ETV1: variants seen among roughly 807,000 people sequenced by gnomAD.
ETV1 encodes ETS translocation variant 1.
A neutral mutation model predicts 62.3 loss-of-function variants in ETV1; 27 were observed. The observed-to-expected ratio is 0.43, with a 90% confidence interval of 0.32 to 0.60. The LOEUF is 0.60. Ranked by LOEUF, ETV1 falls within the 20% of genes least tolerant of loss-of-function variation. ETV1 has a pLI of 0.06. For synonymous variants in ETV1, 222 were observed against 199.6 expected (o/e 1.11, Z -0.94); for missense variants, 605 against 605.8 (o/e 1.00, Z 0.01).
At chr7:13,932,044 C>CCA (rs60981382) in intron 8 of ETV1, among the ~76,000 whole-genome samples, 43,924 of 147,852 alleles carry the variant, frequency 0.3, 7,287 homozygotes, top group East Asian at 0.43. Flanking sequence ...TTTTACACAC[C>CCA]CACACACACA....
rs1389818526 is a variant in ETV1 at position 13,891,427 on chromosome 7, A to G, written c.*4439T>C. ...ACTAATACTGGAGTCTATATGCAAA[A>G]AAGACCCTACCTTACATATGAATCC... On this transcript the variant is annotated 3_prime_UTR_variant, in exon 14 of 14. Transcript: ENST00000430479. 2 of 231,740 alleles carry G rather than the reference A, an allele frequency of 8.6e-6. No individual in the cohort carries two copies. Among genetic ancestry groups the G allele is most frequent in the African/African-American group, 2.2e-5 (1 of 45,300 alleles). 14.4% of individuals were successfully genotyped at this position (231,740 alleles called of 1,614,324 possible).
chr7:13,892,355 A>G lies in ETV1; in HGVS notation c.*3511T>C. ...TGATTACCAGACATTTTAGTGGAAT[A>G]GTTGAAATTTAATATAGAAAGTTTT... On this transcript the variant is annotated 3_prime_UTR_variant, in exon 14 of 14. Coordinates refer to ENST00000430479, the MANE Select transcript of ETV1 (RefSeq NM_004956.5). The G allele has an allele frequency of 4.3e-6, 1 of 232,782 alleles. No homozygotes were observed. The highest frequency in any genetic ancestry group is 8.5e-6 in the Non-Finnish European group (1 of 117,776). 14.4% of individuals were successfully genotyped at this position (232,782 alleles called of 1,614,324 possible).
Position 13,931,526 on chromosome 7 carries a change from G to A in ETV1, c.778C>T (p.Pro260Ser), listed in dbSNP as rs762903267. ...CCTGAGTCATATGCAAAATCTCTGG[G>A]TTCCTGTTTAATCATCAGAGGAGGG... ...FPPPLMIKQE[P>S]RDFAYDSEVP... Residue 260 changes from proline to serine, a missense_variant, in exon 9 of 14, where the codon CCC becomes TCC. Coordinates refer to ENST00000430479, the MANE Select transcript of ETV1 (RefSeq NM_004956.5). The A allele has an allele frequency of 6.2e-7, 1 of 1,614,024 alleles. No homozygotes were observed. The highest frequency in any genetic ancestry group is 1.1e-5 in the South Asian group (1 of 91,076).
In ETV1 at chr7:13,935,813, T is replaced by A; in HGVS notation, c.449A>T (p.His150Leu). 6.2e-7 allele frequency: 1 copy of A among 1,613,834 alleles called. No homozygotes were observed. Among genetic ancestry groups the A allele is most frequent in the Non-Finnish European group, 8.5e-7 (1 of 1,179,832 alleles). ...TGTATGAGTTGAGTTTGGAGATGCA[T>A]GATGCAGTGGGGACACTGGCGTGCT... ...PSSTPVSPLH[H>L]ASPNSTHTPK... Residue 150 changes from histidine (H) to leucine (L), a missense_variant, in exon 8 of 14, where the codon CAT becomes CTT. Physicochemically the swap from His to Leu is moderately conservative, Grantham distance 99 (BLOSUM62 -3). This residue lies in a region of ETV1 where 426 missense variants were observed against 377.8 expected (regional missense o/e 1.13). Transcript: ENST00000430479.
At chr7:13,960,182 G>A (rs564145195) in intron 6 of ETV1, among the ~76,000 whole-genome samples, 4 of 152,224 alleles carry the variant, frequency 2.6e-5, no homozygotes, top group African/African-American at 9.6e-5. Context: ...GGGAAGATAT[G>A]CTACCAGTAT....
chr7:13,925,480 G>T (rs1386078798), intron 9 of ETV1, among the ~76,000 whole-genome samples: 1 of 152,120 alleles, frequency 6.6e-6, no homozygotes, highest in African/African-American at 2.4e-5. Context: ...TACAACGTGT[G>T]AGACTATAAC....
In ETV1 at chr7:13,930,895, G is replaced by T. The variant is rs540899372; in HGVS notation, c.802+607C>A. 2.6e-5 allele frequency among the ~76,000 whole-genome samples: 4 copies of T among 151,698 alleles called. 1 individual carries two copies. The highest frequency in any genetic ancestry group is 9.7e-5 in the African/African-American group (4 of 41,358). On this transcript the variant is annotated intron_variant, in intron 9 of 13. Coordinates refer to ENST00000430479, the MANE Select transcript of ETV1 (RefSeq NM_004956.5). Reference sequence around the variant, plus strand: ...GGCTCACTGCAACCTCTGCCTCCCGGGTTCAAGCGATTCTCTTGCCTCAGC... The same window carrying T: ...GGCTCACTGCAACCTCTGCCTCCCGTGTTCAAGCGATTCTCTTGCCTCAGC...
Position 13,891,481 on chromosome 7 carries a change from G to C in ETV1, c.*4385C>G. On this transcript the variant is annotated 3_prime_UTR_variant, in exon 14 of 14. Coordinates refer to ENST00000430479, the MANE Select transcript of ETV1 (RefSeq NM_004956.5). Reference sequence around the variant, plus strand: ...AACAATAGCCACGGTATATACACTTGTAACTGAAAATTCTGAAATCATTAA... The same window carrying C: ...AACAATAGCCACGGTATATACACTTCTAACTGAAAATTCTGAAATCATTAA... 4.3e-6 allele frequency: 1 copy of C among 231,392 alleles called. No individual in the cohort carries two copies. Among genetic ancestry groups the C allele is most frequent in the Middle Eastern group, 1.3e-3 (1 of 770 alleles). 14.3% of individuals were successfully genotyped at this position (231,392 alleles called of 1,614,324 possible). A position where few individuals can be genotyped will look rare whatever the true frequency, so the allele number is the denominator to read the frequency against.
chr7:13,942,009 A>G (rs1787584516), intron 6 of ETV1, among the ~76,000 whole-genome samples: 1 of 148,356 alleles, frequency 6.7e-6, no homozygotes, highest in African/African-American at 2.5e-5. Context: ...TAATACATTA[A>G]CCATGCATTT....
At chr7:13,908,585 AT>A (rs1783218995) in intron 11 of ETV1, among the ~76,000 whole-genome samples, 2 of 152,094 alleles carry the variant, frequency 1.3e-5, no homozygotes, top group African/African-American at 4.8e-5. Flanking sequence ...TGTGATTCCT[AT>A]AATTTTTTTT....
intron 10 of ETV1, among the ~76,000 whole-genome samples, chr7:13,910,231 T>TTTTA (rs1463896232): frequency 7.6e-6 from 1 of 130,748 alleles, no homozygotes; most frequent in Non-Finnish European, 1.6e-5. Context: ...AGTTTCCCTT[T>TTTTA]TTTTTTTTTT....
chr7:13,963,857 C>T (rs1790465587), intron 6 of ETV1, among the ~76,000 whole-genome samples: 1 of 152,114 alleles, frequency 6.6e-6, no homozygotes, highest in African/African-American at 2.4e-5. Context: ...AGCTTTATCA[C>T]AAAATGGGAT....
chr7:13,983,725 C>A (rs201591383), intron 5 of ETV1, among the ~76,000 whole-genome samples: 2 of 137,660 alleles, frequency 1.5e-5, no homozygotes, highest in African/African-American at 2.7e-5. Flanking sequence ...AAAAAAAAAA[C>A]CTTTAAATTG....
At position 13,891,573 on chromosome 7, in the gene ETV1, G is replaced by A. The variant is rs1277940280; in HGVS notation, c.*4293C>T. The A allele has an allele frequency of 4.9e-6, 1 of 204,296 alleles. No individual in the cohort carries two copies. Among genetic ancestry groups the A allele is most frequent in the South Asian group, 2.0e-4 (1 of 5,116 alleles). The allele number at this position is 204,296 out of a possible 1,614,324, so 12.7% of individuals were successfully genotyped here. On this transcript the variant is annotated 3_prime_UTR_variant, in exon 14 of 14. Coordinates refer to ENST00000430479, the MANE Select transcript of ETV1 (RefSeq NM_004956.5). ...TCTTAAACTGTACTTTCCATAAACTGTTTTTTTTTTAAGTATGTCAAAGTG... is the reference window on the plus strand; with the variant it reads ...TCTTAAACTGTACTTTCCATAAACTATTTTTTTTTTAAGTATGTCAAAGTG...
chr7:13,988,346 T>C, intron 3 of ETV1, 173 bp from the exon 4 acceptor site: 1 of 590,074 alleles, frequency 1.7e-6, no homozygotes, highest in Non-Finnish European at 3.0e-6. Context: ...TTCTCACTTA[T>C]TTGACAGTGA....
At chr7:13,939,363 G>T in intron 6 of ETV1, 117 bp from the exon 7 acceptor site, 1 of 829,990 alleles carries the variant, frequency 1.2e-6, no homozygotes, top group Non-Finnish European at 1.8e-6. Flanking sequence ...ACTTACATAT[G>T]TAAGAAAAAT....
chr7:13,926,086 G>A (rs930718216), intron 9 of ETV1, among the ~76,000 whole-genome samples: 4 of 151,958 alleles, frequency 2.6e-5, no homozygotes, highest in African/African-American at 9.7e-5. Context: ...TCAAAAATCT[G>A]ACTTCTAATG....
intron 7 of ETV1, among the ~76,000 whole-genome samples, chr7:13,938,879 A>G (rs1281848638): frequency 6.6e-6 from 1 of 152,236 alleles, no homozygotes; most frequent in Non-Finnish European, 1.5e-5. Flanking sequence ...CCCAAGATGC[A>G]TCACTACAGT....
rs1197619453 is a variant in ETV1 at position 13,939,167 on chromosome 7, T to G, written c.315A>C (p.Gln105His). ...CATAGCTGAATTTAAAGGGCTGTTC[T>G]TGACTGCAGGCAGAGCTGATTTCTG... ...PCSEISSACS[Q>H]EQPFKFSYGE... is the part of the protein sequence containing the mutation. Residue 105 changes from glutamine (Q) to histidine (H), a missense_variant, in exon 7 of 14, where the codon CAA (glutamine) becomes CAC (histidine). Coordinates refer to ENST00000430479, the MANE Select transcript of ETV1 (RefSeq NM_004956.5). 4 of 1,613,486 alleles carry G rather than the reference T, an allele frequency of 2.5e-6. No homozygotes were observed. Among genetic ancestry groups the G allele is most frequent in the Non-Finnish European group, 3.4e-6 (4 of 1,179,730 alleles).
Sources: allele counts gnomAD v4.1 joint callset (sites outside exome capture counted in the v4.1 genomes callset), GRCh38; gene constraint gnomAD v4.1.1; regional missense constraint gnomAD v4.1.1; transcripts MANE v1.5; gene names NCBI Gene and HGNC (gene_info 2026-07-23, HGNC 2026-07-21).